The following KCNJ3 variants were observed in gnomAD, a reference collection of about 807,000 sequenced individuals.
KCNJ3 encodes the protein G protein-activated inward rectifier potassium channel 1.
Under a neutral mutation model 39.2 loss-of-function variants are expected in KCNJ3, and 4 were observed. The ratio of observed to expected loss-of-function variants is 0.10; its 90% CI spans 0.05 to 0.23. The LOEUF (loss-of-function observed/expected upper bound fraction) is 0.23, where lower values mean the gene tolerates loss of function less well. Ranked by LOEUF, KCNJ3 falls within the 10% of genes least tolerant of loss-of-function variation. KCNJ3 has a pLI of 1.00. For missense variants in KCNJ3, 276 were observed against 634.9 expected, an observed-to-expected ratio of 0.43 and a Z score of 6.08; for synonymous variants, 230 against 237.4, an observed-to-expected ratio of 0.97 and a Z score of 0.29.
intron 2 of KCNJ3, among the ~76,000 whole-genome samples, chr2:154,717,927 G>A (rs976924962): frequency 2.0e-5 from 3 of 152,164 alleles, no homozygotes; most frequent in African/African-American, 7.2e-5. Flanking sequence ...CATTGGAAAT[G>A]TTATTTATCC....
At chr2:154,800,095 G>A (rs181583599) in intron 2 of KCNJ3, among the ~76,000 whole-genome samples, 42 of 152,254 alleles carry the variant, frequency 2.8e-4, no homozygotes, top group African/African-American at 7.0e-4. Context: ...TAAAGAGCGT[G>A]TTTTCATTAC....
chr2:154,726,828 CA>C (rs1558857541), intron 2 of KCNJ3, among the ~76,000 whole-genome samples: 1,640 of 150,290 alleles, frequency 0.011, 38 homozygotes, highest in Admixed American at 0.058. Context: ...CACACACACA[CA>C]CACACATACA....
intron 2 of KCNJ3, among the ~76,000 whole-genome samples, chr2:154,786,906 C>T (rs1686539535): frequency 6.6e-6 from 1 of 152,106 alleles, no homozygotes; most frequent in Non-Finnish European, 1.5e-5. Flanking sequence ...ACAGGGAAAG[C>T]AGATTTAGTG....
chr2:154,764,960 C>T (rs950812839), intron 2 of KCNJ3, among the ~76,000 whole-genome samples: 1 of 152,146 alleles, frequency 6.6e-6, no homozygotes, highest in Non-Finnish European at 1.5e-5. Flanking sequence ...AAACATACAC[C>T]CACATACACA....
chr2:154,774,434 CAT>C (rs1686297404), intron 2 of KCNJ3, among the ~76,000 whole-genome samples: 1 of 151,832 alleles, frequency 6.6e-6, no homozygotes, highest in Non-Finnish European at 1.5e-5. Context: ...GTAACTGTAA[CAT>C]ATTATATAAA....
intron 2 of KCNJ3, among the ~76,000 whole-genome samples, chr2:154,798,268 C>T (rs950585353): frequency 2.0e-5 from 3 of 151,786 alleles, no homozygotes; most frequent in Non-Finnish European, 4.4e-5. Context: ...CACTACAACA[C>T]CGAATGAAAG....
chr2:154,842,831 C>T lies in KCNJ3; in HGVS notation c.920-11896C>T, dbSNP rs566175502. ...CATCCCTTTATTTGGAGCCTATGTG[C>T]GTCTTTGCACGTGAGATGGGTCTCA... On this transcript the variant is annotated intron_variant, in intron 2 of 2. Transcript: ENST00000295101. Among the ~76,000 whole-genome samples, 4 of 152,042 alleles carry T rather than the reference C, an allele frequency of 2.6e-5. No homozygotes were observed. In the South Asian group the frequency reaches 8.3e-4, roughly 32 times the overall value.
At chr2:154,831,262 T>C (rs1284342597) in intron 2 of KCNJ3, among the ~76,000 whole-genome samples, 3 of 152,152 alleles carry the variant, frequency 2.0e-5, no homozygotes, top group African/African-American at 7.2e-5. Context: ...TTCCCTTCAA[T>C]ATACAACACC....
At chr2:154,752,355 A>G (rs1480737409) in intron 2 of KCNJ3, among the ~76,000 whole-genome samples, 2 of 152,050 alleles carry the variant, frequency 1.3e-5, no homozygotes, top group African/African-American at 4.8e-5. Flanking sequence ...ATAAACTACC[A>G]TATAAACTAC....
At chr2:154,783,151 T>A (rs111318751) in intron 2 of KCNJ3, among the ~76,000 whole-genome samples, 20 of 152,138 alleles carry the variant, frequency 1.3e-4, no homozygotes, top group African/African-American at 4.6e-4. Context: ...CACTCCAGCC[T>A]GGGCGACAAA....
chr2:154,766,742 G>A (rs1486618992), intron 2 of KCNJ3, among the ~76,000 whole-genome samples: 1 of 151,952 alleles, frequency 6.6e-6, no homozygotes, highest in Non-Finnish European at 1.5e-5. Context: ...TTTCAGTAGA[G>A]ATGGGGTTTC....
At chr2:154,795,839 T>C (rs1212783392) in intron 2 of KCNJ3, among the ~76,000 whole-genome samples, 6 of 152,110 alleles carry the variant, frequency 3.9e-5, no homozygotes, top group Non-Finnish European at 8.8e-5. Flanking sequence ...CAAAGCATCA[T>C]CACAGCGTAA....
At chr2:154,814,440 C>A (rs552741948) in intron 2 of KCNJ3, among the ~76,000 whole-genome samples, 160 of 152,124 alleles carry the variant, frequency 1.1e-3, no homozygotes, top group African/African-American at 3.6e-3. Flanking sequence ...GAGTTCGAGA[C>A]CAGGCTGGCC....
chr2:154,739,725 C>T (rs1323223436), intron 2 of KCNJ3, among the ~76,000 whole-genome samples: 1 of 152,018 alleles, frequency 6.6e-6, no homozygotes, highest in Non-Finnish European at 1.5e-5. Flanking sequence ...AAAATTAGCT[C>T]ACAAACGGGA....
At chr2:154,837,051 T>G (rs1687478349) in intron 2 of KCNJ3, among the ~76,000 whole-genome samples, 1 of 152,184 alleles carries the variant, frequency 6.6e-6, no homozygotes, top group Non-Finnish European at 1.5e-5. Context: ...CACCAAAACT[T>G]TAGATTCCAT....
At chr2:154,817,699 T>C (rs943411701) in intron 2 of KCNJ3, among the ~76,000 whole-genome samples, 2 of 152,198 alleles carry the variant, frequency 1.3e-5, no homozygotes, top group African/African-American at 4.8e-5. Flanking sequence ...ATAAGACTTC[T>C]ATAATTCCCC....
At chr2:154,773,924 T>A (rs867972862) in intron 2 of KCNJ3, among the ~76,000 whole-genome samples, 49 of 152,168 alleles carry the variant, frequency 3.2e-4, no homozygotes, top group African/African-American at 1.1e-3. Context: ...TATCCAACTT[T>A]AATACCACCA....
At chr2:154,789,659 T>G (rs1018806025) in intron 2 of KCNJ3, among the ~76,000 whole-genome samples, 5 of 152,088 alleles carry the variant, frequency 3.3e-5, no homozygotes, top group Admixed American at 3.3e-4. Flanking sequence ...TCTTCTGTCC[T>G]CACATTATAT....
At position 154,856,286 on chromosome 2, in the gene KCNJ3, T is replaced by G. The variant is rs765157812; in HGVS notation, c.*973T>G. 1.3e-5 allele frequency: 2 copies of G among 152,582 alleles called. No individual in the cohort carries two copies. The highest frequency in any genetic ancestry group is 2.9e-5 in the Non-Finnish European group (2 of 67,994). The allele number at this position is 152,582 out of a possible 1,614,324, so 9.5% of individuals were successfully genotyped here. On this transcript the variant is annotated 3_prime_UTR_variant, in exon 3 of 3. Transcript: ENST00000295101. ...TTAATAGACAGTAGCCAAGTTATAT[T>G]GAATATATCAGAATCTGTGTGAAGT...
Sources: allele counts gnomAD v4.1 joint callset (sites outside exome capture counted in the v4.1 genomes callset), GRCh38; gene constraint gnomAD v4.1.1; transcripts MANE v1.5; gene names NCBI Gene and HGNC (gene_info 2026-07-23, HGNC 2026-07-21).